Variants in MARCHF1 observed in about 807,000 individuals in gnomAD.
MARCHF1 encodes membrane associated ring-CH-type finger 1.
A neutral mutation model predicts 54.2 loss-of-function variants in MARCHF1; 40 were observed. The observed-to-expected ratio is 0.74, with a 90% CI of 0.57 to 0.96. The LOEUF is 0.96. Ranked by LOEUF, MARCHF1 falls within the 40% of genes least tolerant of loss-of-function variation. The pLI is 0.00. For missense variants in MARCHF1, 586 were observed against 656.5 expected (o/e 0.89, Z 1.17); for synonymous variants, 236 against 236.3 (o/e 1.00, Z 0.01).
chr4:164,168,009 T>C (rs10002677), intron 1 of MARCHF1, among the ~76,000 whole-genome samples: 28,642 of 151,764 alleles, frequency 0.19, 4,322 homozygotes, highest in African/African-American at 0.41. Context: ...AACATATTTG[T>C]AAAACAAACA....
intron 4 of MARCHF1, among the ~76,000 whole-genome samples, chr4:163,704,145 A>T (rs1477696508): frequency 6.6e-6 from 1 of 151,846 alleles, no homozygotes; most frequent in Non-Finnish European, 1.5e-5. Flanking sequence ...TTTCTGCAAA[A>T]AAAAACACAC....
chr4:163,615,974 A>G (rs1349737656), intron 5 of MARCHF1, among the ~76,000 whole-genome samples: 1 of 152,146 alleles, frequency 6.6e-6, no homozygotes, highest in Admixed American at 6.6e-5. Context: ...TTACATTGGA[A>G]AAAGGACATC....
At chr4:164,080,403 G>T (rs947335530) in intron 2 of MARCHF1, among the ~76,000 whole-genome samples, 4 of 152,032 alleles carry the variant, frequency 2.6e-5, no homozygotes, top group African/African-American at 7.2e-5. Context: ...GATCTTTATT[G>T]TACTTCCAAA....
chr4:163,692,582 GGC>G (rs1744497972), intron 5 of MARCHF1, among the ~76,000 whole-genome samples: 2 of 143,112 alleles, frequency 1.4e-5, no homozygotes, highest in African/African-American at 2.6e-5. Context: ...GCTGGATTAT[GGC>G]TCCTTGGCCC....
intron 4 of MARCHF1, among the ~76,000 whole-genome samples, chr4:163,727,858 T>G (rs1745710365): frequency 1.3e-5 from 2 of 151,830 alleles, no homozygotes; most frequent in African/African-American, 4.8e-5. Context: ...TTTTATTTTT[T>G]TAATTTTATA....
At chr4:164,188,512 C>T in intron 1 of MARCHF1, 1 of 695,798 alleles carries the variant, frequency 1.4e-6, no homozygotes, top group Non-Finnish European at 2.7e-6. Context: ...TCTGTGTGTT[C>T]AAGACCGGCT....
chr4:164,189,376 C>G (rs1252540318), intron 1 of MARCHF1: 4 of 636,066 alleles, frequency 6.3e-6, no homozygotes, highest in Non-Finnish European at 1.2e-5. Flanking sequence ...AAACATGGAT[C>G]TGTTCTGGTC....
chr4:164,073,796 G>A (rs1027751620), intron 2 of MARCHF1, among the ~76,000 whole-genome samples: 2 of 151,562 alleles, frequency 1.3e-5, no homozygotes, highest in African/African-American at 4.8e-5. Flanking sequence ...TTTTGTTGCT[G>A]TTATTTTGTT....
At chr4:163,615,125 C>T (rs547949785) in intron 5 of MARCHF1, among the ~76,000 whole-genome samples, 13 of 152,134 alleles carry the variant, frequency 8.5e-5, no homozygotes, top group Admixed American at 3.9e-4. Flanking sequence ...GATCCCAGGA[C>T]GTGATGTATT....
chr4:163,755,864 G>C (rs919168881), intron 4 of MARCHF1, among the ~76,000 whole-genome samples: 2 of 152,162 alleles, frequency 1.3e-5, no homozygotes, highest in Non-Finnish European at 2.9e-5. Context: ...CATGAACTTT[G>C]TCTTCCTAGG....
At chr4:164,323,315 A>G (rs1465057582) in intron 1 of MARCHF1, among the ~76,000 whole-genome samples, 1 of 151,766 alleles carries the variant, frequency 6.6e-6, no homozygotes, top group Non-Finnish European at 1.5e-5. Flanking sequence ...AAAAGCATAT[A>G]TAAGAAAACA....
intron 5 of MARCHF1, among the ~76,000 whole-genome samples, chr4:163,648,072 G>C (rs1362203475): frequency 6.6e-6 from 1 of 151,820 alleles, no homozygotes; most frequent in East Asian, 1.9e-4. Flanking sequence ...ATTCAGAAAA[G>C]TGTTTGATAA....
chr4:164,375,699 A>G (rs181059138), intron 1 of MARCHF1, among the ~76,000 whole-genome samples: 1 of 152,332 alleles, frequency 6.6e-6, no homozygotes, highest in Admixed American at 6.5e-5. Flanking sequence ...ACACACATGT[A>G]CAATTAATTC....
chr4:164,049,764 T>C (rs546026255), intron 2 of MARCHF1, among the ~76,000 whole-genome samples: 1 of 152,200 alleles, frequency 6.6e-6, no homozygotes, highest in Non-Finnish European at 1.5e-5. Flanking sequence ...TGCACACATG[T>C]ATACACACAC....
intron 2 of MARCHF1, among the ~76,000 whole-genome samples, chr4:164,032,237 G>A (rs1284209682): frequency 6.6e-6 from 1 of 151,840 alleles, no homozygotes; most frequent in African/African-American, 2.4e-5. Context: ...TCCTTTATTA[G>A]TCTAGCTAGT....
intron 4 of MARCHF1, among the ~76,000 whole-genome samples, chr4:163,840,184 A>C (rs1175963212): frequency 6.6e-6 from 1 of 152,156 alleles, no homozygotes; most frequent in Non-Finnish European, 1.5e-5. Context: ...TATGCCTTTT[A>C]CATTTCTGAA....
chr4:164,122,666 G>A (rs1756094687), intron 1 of MARCHF1, among the ~76,000 whole-genome samples: 1 of 151,996 alleles, frequency 6.6e-6, no homozygotes, highest in Non-Finnish European at 1.5e-5. Context: ...TCTCTCTAGA[G>A]AGAGCTGTTT....
chr4:163,814,721 C>T (rs903607323), intron 4 of MARCHF1, among the ~76,000 whole-genome samples: 1 of 152,152 alleles, frequency 6.6e-6, no homozygotes, highest in Non-Finnish European at 1.5e-5. Context: ...TTTGTGGTTC[C>T]AGCACTTACA....
rs1306181541 is a variant in MARCHF1 at position 163,700,862 on chromosome 4, T to G, written c.113A>C (p.Asn38Thr). 3.9e-6 allele frequency: 6 copies of G among 1,534,306 alleles called. No homozygotes were observed. In the South Asian group the frequency reaches 4.8e-5, roughly 12 times the overall value. Residue 38 changes from asparagine to threonine, a missense_variant and splice_region_variant, in exon 5 of 10, where the codon AAT becomes ACT. Around this residue, in one of 3 missense-constraint regions of MARCHF1, gnomAD observed 387 missense variants for 394.6 expected, o/e 0.98. Coordinates refer to ENST00000514618, the MANE Select transcript of MARCHF1 (RefSeq NM_001394959.1). ...LADASQTSTL[N>T]EKSPGRSASR... ...TGCAGATCGCCCTGGGGATTTTTCA[T>G]TCTGAAAAATAAAATGGGAAACATT...
Sources: allele counts gnomAD v4.1 joint callset (sites outside exome capture counted in the v4.1 genomes callset), GRCh38; gene constraint gnomAD v4.1.1; regional missense constraint gnomAD v4.1.1; transcripts MANE v1.5; gene names NCBI Gene and HGNC (gene_info 2026-07-23, HGNC 2026-07-21).